TTN: variants seen among roughly 807,000 people sequenced by gnomAD.
TTN encodes the protein connectin.
In TTN, 1,525 loss-of-function variants were observed where a neutral mutation model predicts 3,223.0. That is an observed-to-expected ratio of 0.47 (90% CI 0.45 to 0.49). The LOEUF is 0.49. Among genes scored for constraint, TTN ranks in the 20% least tolerant of loss-of-function variants. The probability of loss-of-function intolerance (pLI) is 0.00; values close to 1 mark genes in which losing one functional copy is unlikely to be tolerated. For missense variants in TTN, 40,786 were observed against 43,424.0 expected (o/e 0.94, Z 5.40); for synonymous variants, 14,094 against 15,161.0 (o/e 0.93, Z 5.17).
chr2:178,694,513 T>C (rs1045739822), intron 117 of TTN, 86 bp downstream of exon 117: 22 of 913,886 alleles, frequency 2.4e-5, no homozygotes, highest in Non-Finnish European at 3.1e-5. Flanking sequence ...TTCAGATTTG[T>C]GAGTTACTTA....
At chr2:178,719,101 C>G in intron 83 of TTN, 63 bp downstream of exon 83, 1 of 1,547,374 alleles carries the variant, frequency 6.5e-7, no homozygotes, top group East Asian at 2.3e-5. Flanking sequence ...CCAGGGAAGG[C>G]AGGCACCACG....
At chr2:178,783,451 T>C (rs911739616) in intron 17 of TTN, among the ~76,000 whole-genome samples, 1 of 152,208 alleles carries the variant, frequency 6.6e-6, no homozygotes, top group Admixed American at 6.5e-5. Context: ...TCTTTATGTC[T>C]GCACAGCTCC....
chr2:178,690,488 G>A (rs779685856), intron 121 of TTN, among the ~76,000 whole-genome samples: 9 of 151,984 alleles, frequency 5.9e-5, no homozygotes, highest in Admixed American at 1.3e-4. Flanking sequence ...GAATTTTGTG[G>A]GTATGTGTAT....
intron 47 of TTN, chr2:178,746,166 T>G: frequency 1.2e-6 from 2 of 1,613,320 alleles, no homozygotes; most frequent in Admixed American, 1.7e-5. Context: ...TTATACCACT[T>G]AACTTCGGGA....
chr2:178,770,889 C>T (rs898378474), intron 34 of TTN: 5 of 825,180 alleles, frequency 6.1e-6, no homozygotes, highest in Non-Finnish European at 1.1e-5. Context: ...TTTTTCTATG[C>T]TTTAGTAGTA....
At position 178,679,300 on chromosome 2, in the gene TTN, A is replaced by C; in HGVS notation, c.33742+39T>G. The C allele has an allele frequency of 4.4e-6, 7 of 1,600,234 alleles. 1 individual carries two copies. The highest frequency in any genetic ancestry group is 3.3e-5 in the South Asian group (3 of 90,562). On this transcript the variant is annotated intron_variant, in intron 142 of 362. Transcript: ENST00000589042. ...TCACCAAGTTATGCTGCATGGGTGA[A>C]TTATCATGCTATTCCACTGATGGAT...
rs2077844059 is a variant in TTN, at chr2:178,718,532, C to A, written c.24574G>T (p.Ala8192Ser). ...ATTGGAGGTGTGCCAGTGTATGTGG[C>A]CTCGAGAACTATGGGGCTTCCTGTC... is the stretch of plus-strand genomic sequence containing the variant. The part of the protein sequence containing the change: ...VETGSPIVLE[A>S]TYTGTPPISV... The change falls in exon 85 of 363, where the codon GCC becomes TCC. Residue 8192 changes from alanine (A) to serine (S), a missense_variant. Coordinates refer to ENST00000589042, the MANE Select transcript of TTN (RefSeq NM_001267550.2). 6.2e-7 allele frequency: 1 copy of A among 1,613,698 alleles called. No individual in the cohort carries two copies. Among genetic ancestry groups the A allele is most frequent in the Non-Finnish European group, 8.5e-7 (1 of 1,179,740 alleles).
At chr2:178,762,576 G>A (rs1414088212) in intron 43 of TTN, among the ~76,000 whole-genome samples, 1 of 152,102 alleles carries the variant, frequency 6.6e-6, no homozygotes, top group Non-Finnish European at 1.5e-5. Context: ...GTACATATAT[G>A]TTTATATTAA....
intron 13 of TTN, 39 bp from the exon 14 acceptor site, chr2:178,786,180 C>T (rs373291867): frequency 2.7e-5 from 43 of 1,605,584 alleles, no homozygotes; most frequent in East Asian, 4.5e-5. Flanking sequence ...ATAGGAATAT[C>T]GAGATCAGGC....
intron 44 of TTN, chr2:178,758,753 A>T: frequency 1.8e-6 from 1 of 564,934 alleles, no homozygotes; most frequent in African/African-American, 1.9e-5. Context: ...ATACATTACA[A>T]ATTGTTACAG....
chr2:178,619,409 G>C, intron 250 of TTN: 1 of 602,008 alleles, frequency 1.7e-6, no homozygotes, highest in South Asian at 2.2e-5. Context: ...ACTAGCAACT[G>C]TCCAAGGCTC....
Position 178,679,596 on chromosome 2 carries a change from T to C in TTN, c.33664+3A>G, listed in dbSNP as rs2068858352. ...AGATACCCGTCAATGAATGGTGGTG[T>C]ACCTTTTGCCGGTGGAGCTTCCTTC... On this transcript the variant is annotated splice_donor_region_variant and intron_variant, in intron 141 of 362. Coordinates refer to ENST00000589042, the MANE Select transcript of TTN (RefSeq NM_001267550.2). The C allele has an allele frequency of 6.2e-7, 1 of 1,610,034 alleles. No homozygotes were observed.
In TTN at chr2:178,699,308, G is replaced by A. The variant is rs948586361; in HGVS notation, c.30683-394C>T. 1.1e-4 allele frequency among the ~76,000 whole-genome samples: 16 copies of A among 147,038 alleles called. No individual in the cohort carries two copies. The Admixed American group carries it at 1.1e-3, about 10-fold the overall frequency. On this transcript the variant is annotated intron_variant, in intron 111 of 362. Transcript: ENST00000589042. Reference sequence around the variant, plus strand: ...AAGTGGGTTTAAAGTCCTTTGTTGTGCAGCTGTTATACCTTAACCACGGTT... The same window carrying A: ...AAGTGGGTTTAAAGTCCTTTGTTGTACAGCTGTTATACCTTAACCACGGTT...
At position 178,700,120 on chromosome 2, in the gene TTN, TAA is replaced by T. The variant is rs772046847; in HGVS notation, c.30682+998_30682+999del. ...TCAAAGAACAAATCATTCATTAACA[TAA>T]GTTATTATTTTTGACAACAGAAATA... On this transcript the variant is annotated intron_variant, in intron 111 of 362. Transcript: ENST00000589042. 2.3e-4 allele frequency among the ~76,000 whole-genome samples: 35 copies of T among 152,266 alleles called. No individual in the cohort carries two copies. In the East Asian group the frequency reaches 3.7e-3, roughly 16 times the overall value.
At position 178,636,282 on chromosome 2, in the gene TTN, T is replaced by C. The variant is rs767990531; in HGVS notation, c.41330-41A>G. On this transcript the variant is annotated intron_variant, in intron 225 of 362. Transcript: ENST00000589042. This position sits in a 1 kb window ranked among gnomAD's most constrained non-coding sequence, Gnocchi z 4.3. ...GTATATATTTCAATAAATACAATATTTTCAATGAAATAAAACTTGGAAATA... is the reference window on the plus strand; with the variant it reads ...GTATATATTTCAATAAATACAATATCTTCAATGAAATAAAACTTGGAAATA... 6.8e-7 allele frequency: 1 copy of C among 1,479,450 alleles called. No individual in the cohort carries two copies. Among genetic ancestry groups the C allele is most frequent in the Non-Finnish European group, 9.0e-7 (1 of 1,115,122 alleles). 91.6% of individuals were successfully genotyped at this position (1,479,450 alleles called of 1,614,324 possible).
chr2:178,719,069 A>G, intron 83 of TTN, 95 bp downstream of exon 83: 3 of 1,528,126 alleles, frequency 2.0e-6, no homozygotes, highest in Non-Finnish European at 2.6e-6. Context: ...AAGACTAAAC[A>G]TGAAGACAAA....
intron 223 of TTN, 42 bp from the exon 224 acceptor site, chr2:178,637,461 CT>C: frequency 7.6e-7 from 1 of 1,315,598 alleles, no homozygotes; most frequent in Non-Finnish European, 1.0e-6. Context: ...ACTTTTCGGA[CT>C]TATTTCATGT....
chr2:178,715,366 A>C lies in TTN; in HGVS notation c.25922-102T>G, dbSNP rs12622914. 254,113 of 1,505,070 alleles carry C rather than the reference A, an allele frequency of 0.17. 24,182 individuals carry two copies. The highest frequency in any genetic ancestry group is 0.44 in the East Asian group (19,306 of 43,484). The allele number at this position is 1,505,070 out of a possible 1,614,324, so 93.2% of individuals were successfully genotyped here. A position where few individuals can be genotyped will look rare whatever the true frequency, so the allele number is the denominator to read the frequency against. On this transcript the variant is annotated intron_variant, in intron 89 of 362. Coordinates refer to ENST00000589042, the MANE Select transcript of TTN (RefSeq NM_001267550.2). ...ATCAGAGAGATAGAGAGTGAAAAAA[A>C]CACTTTCAATTCTTTGTTGTGTCCT...
chr2:178,595,759 C>T lies in TTN; in HGVS notation c.57595G>A (p.Glu19199Lys). 1 of 1,608,908 alleles carries T rather than the reference C, an allele frequency of 6.2e-7. No homozygotes were observed. Among genetic ancestry groups the T allele is most frequent in the Non-Finnish European group, 8.5e-7 (1 of 1,177,744 alleles). ...GAAAACCATGTCAGTTTGCAGGACT[C>T]ATTGGTTAGGTTGTGAGCTAGGAAT... ...TPFLAHNLTN[E>K]SCKLTWFSPE... The change falls in exon 295 of 363, where the codon GAG becomes AAG. Residue 19199 changes from glutamate to lysine, a missense_variant. Physicochemically the swap from Glu to Lys is moderately conservative, Grantham distance 56. Coordinates refer to ENST00000589042, the MANE Select transcript of TTN (RefSeq NM_001267550.2).
Sources: gnomAD v4.1 joint callset for allele counts (sites outside exome capture counted in the v4.1 genomes callset) on GRCh38, gnomAD v4.1.1 for gene constraint, Gnocchi (gnomAD v3.1) non-coding constraint, MANE v1.5 for transcripts, NCBI Gene and HGNC (gene_info 2026-07-23, HGNC 2026-07-21) for gene names.